Variants in WDR7 observed in about 807,000 individuals in gnomAD.
WDR7 encodes the protein WD repeat-containing protein 7.
Under a neutral mutation model 169.4 loss-of-function variants are expected in WDR7, and 46 were observed. That is an observed-to-expected ratio of 0.27 (90% CI 0.21 to 0.35). The LOEUF (loss-of-function observed/expected upper bound fraction) is 0.35. Among genes scored for constraint, WDR7 ranks in the 10% least tolerant of loss-of-function variants. The probability of loss-of-function intolerance (pLI) is 1.00; values close to 1 mark genes in which losing one functional copy is unlikely to be tolerated. For missense variants in WDR7, 1,534 were observed against 1,859.3 expected (o/e 0.83, Z 3.22); for synonymous variants, 612 against 666.8 (o/e 0.92, Z 1.27).
intron 20 of WDR7, among the ~76,000 whole-genome samples, chr18:56,859,441 TC>T (rs1210451180): frequency 1.3e-5 from 2 of 152,144 alleles, no homozygotes; most frequent in Admixed American, 1.3e-4. Flanking sequence ...CTCAGGTTCT[TC>T]TTTATCCTTG....
At chr18:56,969,298 A>T (rs925824670) in intron 26 of WDR7, among the ~76,000 whole-genome samples, 1 of 152,164 alleles carries the variant, frequency 6.6e-6, no homozygotes, top group Non-Finnish European at 1.5e-5. Flanking sequence ...CCTGAAATCT[A>T]CCTTTTCTCT....
rs547038319 is a variant in WDR7, at chr18:56,731,338, A to G, written c.1775-45A>G. ...TTTTTCTTTACTTAAACTATTCAAA[A>G]TGTTGTAGTGTTATGAAATATTTGT... On this transcript the variant is annotated intron_variant, in intron 13 of 27. Coordinates refer to ENST00000254442, the MANE Select transcript of WDR7 (RefSeq NM_015285.3). The G allele has an allele frequency of 1.2e-4, 191 of 1,586,276 alleles. 2 individuals are homozygous for G. The South Asian group carries it at 2.0e-3, about 16-fold the overall frequency.
chr18:57,022,626 T>C (rs1222575698), intron 27 of WDR7, among the ~76,000 whole-genome samples: 3 of 152,258 alleles, frequency 2.0e-5, no homozygotes, highest in Non-Finnish European at 4.4e-5. Flanking sequence ...ATTTTCTAAA[T>C]GTTAAATTAT....
intron 14 of WDR7, among the ~76,000 whole-genome samples, chr18:56,743,175 G>A (rs1216369277): frequency 6.6e-6 from 1 of 152,166 alleles, no homozygotes; most frequent in South Asian, 2.1e-4. Context: ...GATATCGAAT[G>A]TAAAAGCAGG....
intron 21 of WDR7, among the ~76,000 whole-genome samples, chr18:56,900,725 T>G (rs2145563338): frequency 1.3e-5 from 2 of 152,234 alleles, no homozygotes; most frequent in Admixed American, 1.3e-4. Context: ...GGAGGCAGCT[T>G]GTTGCTAATC....
At chr18:56,843,266 G>A (rs773658890) in intron 20 of WDR7, among the ~76,000 whole-genome samples, 2 of 152,110 alleles carry the variant, frequency 1.3e-5, no homozygotes, top group Admixed American at 6.6e-5. Flanking sequence ...CCAAATCAGC[G>A]GTGTTAAGTA....
At chr18:56,865,355 G>T (rs1225231981) in intron 20 of WDR7, among the ~76,000 whole-genome samples, 1 of 152,084 alleles carries the variant, frequency 6.6e-6, no homozygotes, top group Non-Finnish European at 1.5e-5. Flanking sequence ...GATTTCATTG[G>T]TGTGGATTTA....
At position 56,756,712 on chromosome 18, in the gene WDR7, G is replaced by C; in HGVS notation, c.2119G>C (p.Ala707Pro). The change falls in exon 15 of 28, where the codon GCC (alanine) becomes CCC (proline). Residue 707 changes from alanine (A) to proline (P), a missense_variant. Ala to Pro is a conservative substitution (Grantham distance 27). Transcript: ENST00000254442. ...GATTATTCAACTCCTGACTGAAGAA[G>C]CCTCTAGGCCGAATACTGCTCTTAT... The part of the protein sequence containing the change: ...ALIIQLLTEE[A>P]SRPNTALISP... 8 of 1,614,098 alleles carry C rather than the reference G, an allele frequency of 5.0e-6. No homozygotes were observed. Among genetic ancestry groups the C allele is most frequent in the African/African-American group, 1.3e-5 (1 of 75,028 alleles).
chr18:57,013,393 T>C (rs1038902994), intron 26 of WDR7, among the ~76,000 whole-genome samples: 2 of 152,238 alleles, frequency 1.3e-5, no homozygotes, highest in Non-Finnish European at 2.9e-5. Context: ...TACCCTTCCA[T>C]GTACAATTTT....
At chr18:56,990,453 CA>C (rs1228094462) in intron 26 of WDR7, among the ~76,000 whole-genome samples, 3 of 152,116 alleles carry the variant, frequency 2.0e-5, no homozygotes, top group African/African-American at 7.2e-5. Flanking sequence ...TAGGAAGTTA[CA>C]TTAAAAACAA....
chr18:56,682,551 TA>T, intron 4 of WDR7, 127 bp from the exon 5 acceptor site: 2 of 1,024,946 alleles, frequency 2.0e-6, no homozygotes, highest in Non-Finnish European at 2.8e-6. Flanking sequence ...GGTAAATATC[TA>T]AAATTCTTAC....
In WDR7 at chr18:56,756,627, A is replaced by G. The variant is rs200552450; in HGVS notation, c.2034A>G (p.Ala678=). The part of the protein sequence containing the change: ...KYSHNSLMVQ[A]IKTNLTDPDI... ...CTCATAACTCCCTGATGGTTCAAGC[A>G]ATAAAGACAAACCTAACAGACCCGG... Residue 678 remains alanine (A), a synonymous_variant, in exon 15 of 28, where the codon GCA becomes GCG. Coordinates refer to ENST00000254442, the MANE Select transcript of WDR7 (RefSeq NM_015285.3). The G allele has an allele frequency of 5.0e-6, 8 of 1,613,326 alleles. No homozygotes were observed. In the East Asian group the frequency reaches 1.8e-4, roughly 36 times the overall value.
chr18:57,023,006 C>A (rs1206854525), intron 27 of WDR7, among the ~76,000 whole-genome samples: 1 of 152,246 alleles, frequency 6.6e-6, no homozygotes, highest in African/African-American at 2.4e-5. Flanking sequence ...GCCCAGGCAA[C>A]ACCCAGGTCA....
chr18:56,900,078 GTGTGTATATATA>G (rs1211965979), intron 21 of WDR7, among the ~76,000 whole-genome samples: 1,586 of 125,016 alleles, frequency 0.013, 28 homozygotes, highest in African/African-American at 0.048. Context: ...GTGTGTGTGT[GTGTGTATATATA>G]TATATATATA....
chr18:56,852,798 A>C (rs191760404), intron 20 of WDR7, among the ~76,000 whole-genome samples: 4 of 152,324 alleles, frequency 2.6e-5, no homozygotes, highest in African/African-American at 9.6e-5. Context: ...GGATATTTAC[A>C]TTCATTTGAA....
chr18:56,933,097 A>G (rs1262449121), intron 22 of WDR7, among the ~76,000 whole-genome samples: 2 of 152,148 alleles, frequency 1.3e-5, no homozygotes, highest in Non-Finnish European at 2.9e-5. Context: ...TTCTAGGAGG[A>G]CACTGTAACT....
intron 16 of WDR7, among the ~76,000 whole-genome samples, chr18:56,773,956 C>T (rs922128899): frequency 5.4e-5 from 8 of 148,206 alleles, no homozygotes; most frequent in Non-Finnish European, 1.0e-4. Context: ...CCATGAAATA[C>T]TTTAAAAGGA....
At chr18:56,693,581 T>G (rs904376528) in intron 9 of WDR7, among the ~76,000 whole-genome samples, 1 of 140,110 alleles carries the variant, frequency 7.1e-6, no homozygotes, top group African/African-American at 2.6e-5. Flanking sequence ...TTGTTTTTTT[T>G]TTTTTTTTGA....
At chr18:56,844,197 G>C (rs997063833) in intron 20 of WDR7, among the ~76,000 whole-genome samples, 2 of 151,652 alleles carry the variant, frequency 1.3e-5, no homozygotes, top group African/African-American at 4.8e-5. Context: ...ATCCTAATGA[G>C]CGTGAAGTGT....
Sources: allele counts gnomAD v4.1 joint callset (sites outside exome capture counted in the v4.1 genomes callset), GRCh38; gene constraint gnomAD v4.1.1; transcripts MANE v1.5; gene names NCBI Gene and HGNC (gene_info 2026-07-23, HGNC 2026-07-21).